The following EPB41L4B variants were observed in gnomAD, a reference collection of about 807,000 sequenced individuals.
The protein encoded by EPB41L4B is erythrocyte membrane protein band 4.1 like 4B.
A neutral mutation model predicts 112.5 loss-of-function variants in EPB41L4B; 30 were observed. The ratio of observed to expected loss-of-function variants is 0.27; its 90% CI spans 0.20 to 0.36. The LOEUF is 0.36. Among genes scored for constraint, EPB41L4B ranks in the 10% least tolerant of loss-of-function variants. The probability of loss-of-function intolerance (pLI) is 1.00; values close to 1 mark genes in which losing one functional copy is unlikely to be tolerated. For synonymous variants in EPB41L4B, 408 were observed against 439.7 expected (o/e 0.93, Z 0.90); for missense variants, 1,024 against 1,133.3 (o/e 0.90, Z 1.38).
At chr9:109,194,914 T>C (rs1180738269) in intron 20 of EPB41L4B, among the ~76,000 whole-genome samples, 2 of 152,236 alleles carry the variant, frequency 1.3e-5, no homozygotes, top group African/African-American at 4.8e-5. Flanking sequence ...GTCTGGCTTA[T>C]TTTAGTCACC....
intron 15 of EPB41L4B, chr9:109,239,960 G>A (rs560156716): frequency 4.1e-6 from 4 of 985,326 alleles, no homozygotes; most frequent in Non-Finnish European, 4.8e-6. Context: ...ATGAAGAAAG[G>A]CATCAGCTGC....
rs34135848 is a variant in EPB41L4B at position 109,209,646 on chromosome 9, C to CAAAA, written c.1753-1601_1753-1598dup. Among the ~76,000 whole-genome samples the CAAAA allele has an allele frequency of 5.9e-4, 80 of 134,658 alleles. 3 individuals are homozygous for CAAAA. In the East Asian group the frequency reaches 6.5e-3, roughly 11 times the overall value. The allele number at this position is 134,658 out of a possible 152,430, so 88.3% of individuals were successfully genotyped here. ...TGGGCAACAGAGCAAAACCCTGTCTCAAAAAAAAAAAAAAGATGCTGTTTA... is the reference window on the plus strand; with the variant it reads ...TGGGCAACAGAGCAAAACCCTGTCTCAAAAAAAAAAAAAAAAAAGATGCTGTTTA... On this transcript the variant is annotated intron_variant, in intron 17 of 25. Transcript: ENST00000374566.
At chr9:109,187,847 G>T (rs1376411848) in intron 22 of EPB41L4B, among the ~76,000 whole-genome samples, 1 of 152,210 alleles carries the variant, frequency 6.6e-6, no homozygotes, top group Non-Finnish European at 1.5e-5. Context: ...TCGTGGTAAA[G>T]AAGTGTTGAT....
chr9:109,245,347 G>A (rs879482352), intron 14 of EPB41L4B, among the ~76,000 whole-genome samples: 8 of 152,318 alleles, frequency 5.3e-5, no homozygotes, highest in Admixed American at 1.3e-4. Flanking sequence ...AGAGAGAGAG[G>A]TGGGAACCTT....
chr9:109,314,713 T>C (rs1316137243), intron 1 of EPB41L4B, among the ~76,000 whole-genome samples: 1 of 151,712 alleles, frequency 6.6e-6, no homozygotes, highest in Non-Finnish European at 1.5e-5. Flanking sequence ...CCACTAGATA[T>C]CCAAGGCCTC....
intron 17 of EPB41L4B, among the ~76,000 whole-genome samples, chr9:109,209,337 C>T (rs562265186): frequency 5.3e-5 from 8 of 151,716 alleles, no homozygotes; most frequent in Admixed American, 1.3e-4. Flanking sequence ...TGAATCTCAG[C>T]TCTTTCACTT....
intron 6 of EPB41L4B, among the ~76,000 whole-genome samples, chr9:109,261,320 A>AG (rs550937852): frequency 4.0e-4 from 61 of 152,032 alleles, no homozygotes; most frequent in Non-Finnish European, 7.1e-4. Context: ...GGGTGGGGTG[A>AG]GGGGGGTCTC....
intron 15 of EPB41L4B, among the ~76,000 whole-genome samples, chr9:109,237,544 A>C (rs889399873): frequency 5.9e-5 from 9 of 152,200 alleles, no homozygotes; most frequent in African/African-American, 1.9e-4. Flanking sequence ...GGACCGTCTC[A>C]AATAAGCAGT....
chr9:109,298,868 G>A (rs1024542215), intron 1 of EPB41L4B, among the ~76,000 whole-genome samples: 6 of 152,108 alleles, frequency 3.9e-5, no homozygotes, highest in Admixed American at 3.9e-4. Context: ...TTGTCCAAAA[G>A]TATTCTTACA....
At chr9:109,292,846 T>C (rs1289698617) in intron 1 of EPB41L4B, among the ~76,000 whole-genome samples, 2 of 152,164 alleles carry the variant, frequency 1.3e-5, no homozygotes, top group Non-Finnish European at 2.9e-5. Flanking sequence ...ACAGTTCTCC[T>C]AGGAAGCTTG....
chr9:109,304,444 G>A (rs1837091412), intron 1 of EPB41L4B, among the ~76,000 whole-genome samples: 2 of 152,138 alleles, frequency 1.3e-5, no homozygotes, highest in South Asian at 4.1e-4. Context: ...AGTCCCGAGG[G>A]GCACCTCTAA....
intron 22 of EPB41L4B, among the ~76,000 whole-genome samples, chr9:109,186,181 A>G (rs951414026): frequency 4.0e-5 from 6 of 151,696 alleles, no homozygotes; most frequent in Non-Finnish European, 8.8e-5. Flanking sequence ...ATGGGGAGAA[A>G]CATATCGTTT....
At chr9:109,251,769 CT>C (rs1834796091) in intron 12 of EPB41L4B, among the ~76,000 whole-genome samples, 3 of 152,172 alleles carry the variant, frequency 2.0e-5, no homozygotes, top group Admixed American at 2.0e-4. Flanking sequence ...GAGACACAGT[CT>C]CTGCTCTCAA....
chr9:109,306,940 T>C (rs1325811985), intron 1 of EPB41L4B, among the ~76,000 whole-genome samples: 6 of 151,358 alleles, frequency 4.0e-5, no homozygotes, highest in Non-Finnish European at 7.4e-5. Flanking sequence ...TGAGCTCCTT[T>C]AGAGCAACGC....
chr9:109,208,023 T>C lies in EPB41L4B; in HGVS notation c.1779A>G (p.Lys593=). ...NKAEEKKVSE[K]TLQTPLLPSP... ...AAGGCAAAAGTGGAGTCTGAAGAGT[T>C]TTCTCCGAGACTTTCTTTTCTTCAG... The change falls in exon 18 of 26, where the codon AAA becomes AAG. Residue 593 remains lysine, a synonymous_variant. Transcript: ENST00000374566. 6.2e-7 allele frequency: 1 copy of C among 1,614,160 alleles called. No individual in the cohort carries two copies. Among genetic ancestry groups the C allele is most frequent in the South Asian group, 1.1e-5 (1 of 91,074 alleles).
At chr9:109,227,367 C>A (rs893657872) in intron 15 of EPB41L4B, among the ~76,000 whole-genome samples, 3 of 151,986 alleles carry the variant, frequency 2.0e-5, no homozygotes, top group Non-Finnish European at 4.4e-5. Context: ...CAAAAAATCC[C>A]ACTGGAGTTC....
intron 1 of EPB41L4B, among the ~76,000 whole-genome samples, chr9:109,313,703 C>G (rs1837509333): frequency 6.6e-6 from 1 of 152,182 alleles, no homozygotes; most frequent in Admixed American, 6.5e-5. Context: ...AGATGGCTAA[C>G]AAGCACTGGG....
chr9:109,256,546 C>A, intron 7 of EPB41L4B, 66 bp from the exon 8 acceptor site: 6 of 1,382,240 alleles, frequency 4.3e-6, no homozygotes, highest in Non-Finnish European at 5.1e-6. Context: ...CTGAAGGGCA[C>A]GGCCTTACTA....
chr9:109,313,477 A>G (rs558967869), intron 1 of EPB41L4B, among the ~76,000 whole-genome samples: 1 of 152,352 alleles, frequency 6.6e-6, no homozygotes, highest in South Asian at 2.1e-4. Flanking sequence ...CCACTCTGCC[A>G]GGTCAGCTCT....
Sources: gnomAD v4.1 joint callset for allele counts (sites outside exome capture counted in the v4.1 genomes callset) on GRCh38, gnomAD v4.1.1 for gene constraint, MANE v1.5 for transcripts, NCBI Gene and HGNC (gene_info 2026-07-23, HGNC 2026-07-21) for gene names.